Variants in SPATA1 observed in about 807,000 individuals in gnomAD.
The protein encoded by SPATA1 is spermatogenesis-associated protein 1.
SPATA1 carries 57 observed loss-of-function variants against 59.6 expected under a neutral mutation model. The ratio of observed to expected loss-of-function variants is 0.96; its 90% confidence interval spans 0.77 to 1.19. The LOEUF (loss-of-function observed/expected upper bound fraction) is 1.19, where lower values mean the gene tolerates loss of function less well. Among genes scored for constraint, SPATA1 ranks in the 50% most tolerant of loss-of-function variants. The pLI, the probability that SPATA1 is intolerant of heterozygous loss-of-function variation, is 0.00. For missense variants in SPATA1, 448 were observed against 480.7 expected, an observed-to-expected ratio of 0.93 and a Z score of 0.64; for synonymous variants, 147 against 163.9, an observed-to-expected ratio of 0.90 and a Z score of 0.79.
chr1:84,517,487 G>T (rs1682846549), intron 2 of SPATA1, among the ~76,000 whole-genome samples: 1 of 152,102 alleles, frequency 6.6e-6, no homozygotes, highest in African/African-American at 2.4e-5. Flanking sequence ...TCGCCACTTG[G>T]ATGGCCAATA....
At chr1:84,511,794 G>A (rs1156966969) in intron 1 of SPATA1, among the ~76,000 whole-genome samples, 3 of 148,218 alleles carry the variant, frequency 2.0e-5, no homozygotes, top group African/African-American at 7.5e-5. Context: ...CAAGTCTCCT[G>A]CCTCAGCCTC....
intron 4 of SPATA1, among the ~76,000 whole-genome samples, chr1:84,564,972 G>A (rs1277564306): frequency 1.3e-5 from 2 of 152,010 alleles, no homozygotes; most frequent in East Asian, 1.9e-4. Context: ...CCAGGAGGTC[G>A]AGGTTACAGT....
chr1:84,537,130 G>A (rs920948265), intron 8 of SPATA1, among the ~76,000 whole-genome samples: 1 of 151,798 alleles, frequency 6.6e-6, no homozygotes, highest in African/African-American at 2.4e-5. Flanking sequence ...CACCTGCATC[G>A]GCCTCCCAAA....
intron 4 of SPATA1, among the ~76,000 whole-genome samples, chr1:84,561,703 C>G (rs1317338540): frequency 2.6e-4 from 39 of 152,176 alleles, no homozygotes; most frequent in Admixed American, 2.6e-3. Flanking sequence ...CAGCAACCAC[C>G]ACCCTGATCA....
At chr1:84,535,349 G>C (rs188704056) in intron 8 of SPATA1, among the ~76,000 whole-genome samples, 3 of 151,932 alleles carry the variant, frequency 2.0e-5, no homozygotes. Context: ...ATACGTTTTA[G>C]AATCAGCTTG....
chr1:84,543,724 A>C (rs1338517332), intron 8 of SPATA1, among the ~76,000 whole-genome samples: 1 of 152,194 alleles, frequency 6.6e-6, no homozygotes, highest in Non-Finnish European at 1.5e-5. Flanking sequence ...AAACACAAAA[A>C]TTAGGAAAGA....
rs1294506560 is a variant in SPATA1, at chr1:84,509,336, A to G, written c.-138+2918A>G. Among the ~76,000 whole-genome samples, 3 of 152,264 alleles carry G rather than the reference A, an allele frequency of 2.0e-5. No individual in the cohort carries two copies. The South Asian group carries it at 6.2e-4, about 32-fold the overall frequency. On this transcript the variant is annotated intron_variant, in intron 1 of 12. Coordinates refer to ENST00000490879, the Ensembl canonical transcript of SPATA1. Reference sequence around the variant, plus strand: ...CATTGGAGAAAGGACAGTCCCTCCAATAAATGGTGCTGGGAAAACTGAATA... The same window carrying G: ...CATTGGAGAAAGGACAGTCCCTCCAGTAAATGGTGCTGGGAAAACTGAATA...
intron 10 of SPATA1, among the ~76,000 whole-genome samples, chr1:84,547,600 A>G (rs1458940898): frequency 1.3e-5 from 2 of 152,206 alleles, no homozygotes; most frequent in African/African-American, 4.8e-5. Flanking sequence ...TAGAATTTTC[A>G]GAGAAAGTAT....
downstream of SPATA1, among the ~76,000 whole-genome samples, chr1:84,558,704 C>A (rs1272431705): frequency 6.6e-6 from 1 of 151,460 alleles, no homozygotes; most frequent in Non-Finnish European, 1.5e-5. Context: ...AGTTCAAGAC[C>A]AGCCTGGGCA....
chr1:84,542,194 C>T (rs1041448249), intron 8 of SPATA1, among the ~76,000 whole-genome samples: 1 of 152,100 alleles, frequency 6.6e-6, no homozygotes, highest in Admixed American at 6.6e-5. Context: ...GAACTCCTGA[C>T]CTCAGGTGAT....
At chr1:84,519,999 C>T (rs981575134) in intron 2 of SPATA1, 1 of 152,090 alleles carries the variant, frequency 6.6e-6, no homozygotes, top group African/African-American at 2.4e-5. Flanking sequence ...CATAACAAAA[C>T]ATCAGTGGAA....
intron 1 of SPATA1, among the ~76,000 whole-genome samples, chr1:84,512,499 A>G (rs1558567467): frequency 6.6e-6 from 1 of 152,236 alleles, no homozygotes; most frequent in South Asian, 2.1e-4. Flanking sequence ...CAATCTTTGT[A>G]TGCCATATTA....
At chr1:84,509,208 T>TAAAAA (rs547069684) in intron 1 of SPATA1, among the ~76,000 whole-genome samples, 1 of 134,424 alleles carries the variant, frequency 7.4e-6, no homozygotes, top group African/African-American at 2.7e-5. Flanking sequence ...GGTACTGGCA[T>TAAAAA]AAAAAAAAAA....
chr1:84,516,576 T>C (rs2794218), intron 2 of SPATA1, among the ~76,000 whole-genome samples, 181 bp downstream of exon 2: 70,518 of 152,048 alleles, frequency 0.46, 18,236 homozygotes, highest in African/African-American at 0.7. Context: ...ACTTCCTCTA[T>C]CCCAAGCATA....
chr1:84,532,892 A>G (rs749969233), exon 7 of SPATA1: 1 of 1,552,166 alleles, frequency 6.4e-7, no homozygotes, highest in South Asian at 1.2e-5. Context: ...AAAAAGCCAA[A>G]TTGCAAAAAA....
downstream of SPATA1, among the ~76,000 whole-genome samples, chr1:84,557,905 T>G (rs12403545): frequency 0.53 from 80,554 of 151,296 alleles, 23,869 homozygotes; most frequent in East Asian, 0.77. Flanking sequence ...GATTTTTTTC[T>G]AAAGTGGCAT....
chr1:84,557,061 A>G (rs1428074028), downstream of SPATA1, among the ~76,000 whole-genome samples: 1 of 149,432 alleles, frequency 6.7e-6, no homozygotes, highest in Non-Finnish European at 1.5e-5. Flanking sequence ...AAAATTGTAA[A>G]GGAACAAAGG....
At chr1:84,554,958 C>A (rs746203845), downstream of SPATA1, 1 of 1,525,618 alleles carries the variant, frequency 6.6e-7, no homozygotes, top group African/African-American at 1.4e-5. Flanking sequence ...TCTGTTGATA[C>A]AGATCATCTT....
At chr1:84,524,619 A>G (rs893217485) in intron 4 of SPATA1, among the ~76,000 whole-genome samples, 1 of 152,154 alleles carries the variant, frequency 6.6e-6, no homozygotes, top group African/African-American at 2.4e-5. Flanking sequence ...TTGGTTCTCA[A>G]ATATGGCAGA....
Sources: gnomAD v4.1 joint callset for allele counts (sites outside exome capture counted in the v4.1 genomes callset) on GRCh38, gnomAD v4.1.1 for gene constraint, MANE v1.5 for transcripts, NCBI Gene and HGNC (gene_info 2026-07-23, HGNC 2026-07-21) for gene names.